The following OSBPL10 variants were observed in gnomAD, a reference collection of about 807,000 sequenced individuals.
OSBPL10 encodes oxysterol-binding protein-related protein 10.
OSBPL10 carries 49 observed loss-of-function variants against 81.7 expected under a neutral mutation model. That is an observed-to-expected ratio of 0.60 (90% CI 0.48 to 0.76). OSBPL10 has a LOEUF of 0.76. Among genes scored for constraint, OSBPL10 ranks in the 30% least tolerant of loss-of-function variants. The probability of loss-of-function intolerance (pLI) is 0.00; values close to 1 mark genes in which losing one functional copy is unlikely to be tolerated. For synonymous variants in OSBPL10, 419 were observed against 383.6 expected (o/e 1.09, Z -1.08); for missense variants, 923 against 987.8 (o/e 0.93, Z 0.88).
Position 31,830,138 on chromosome 3 carries a change from C to T in OSBPL10, c.631G>A (p.Gly211Arg), listed in dbSNP as rs1418226963. The change falls in exon 4 of 12, where the codon GGG (glycine) becomes AGG (arginine). Residue 211 changes from glycine to arginine, a missense_variant. Gly to Arg is a moderately radical substitution (Grantham distance 125, BLOSUM62 -2). Around this residue, in one of 3 missense-constraint regions of OSBPL10, gnomAD observed 514 missense variants for 508.0 expected, o/e 1.01. Coordinates refer to ENST00000396556, the MANE Select transcript of OSBPL10 (RefSeq NM_017784.5). ...GTGATTGTGACAACACCGGGGGCCC[C>T]CACACTGAGGTGTCTCTGGCTACAG... ...SPCSQRHLSV[G>R]APGVVTITHH... 1.2e-6 allele frequency: 2 copies of T among 1,614,012 alleles called. No homozygotes were observed. Among genetic ancestry groups the T allele is most frequent in the Non-Finnish European group, 1.7e-6 (2 of 1,180,010 alleles).
At chr3:31,818,900 G>A (rs551610233) in intron 4 of OSBPL10, among the ~76,000 whole-genome samples, 13 of 152,092 alleles carry the variant, frequency 8.5e-5, no homozygotes, top group African/African-American at 2.7e-4. Context: ...CACCCCTACC[G>A]CTTTCTTTAA....
At position 31,981,221 on chromosome 3, in the gene OSBPL10, G is replaced by A. The variant is rs1698834261; in HGVS notation, c.-42C>T. On this transcript the variant is annotated 5_prime_UTR_variant, in exon 1 of 12. Coordinates refer to ENST00000396556, the MANE Select transcript of OSBPL10 (RefSeq NM_017784.5). The surrounding 1 kb of genome is among the most constrained non-coding windows in gnomAD (Gnocchi z 4.5). ...GGACGCGGGTGCCCGCCGCGGTGGC[G>A]GCCCCGGCACGGCGGCTGCTGCTGC... The A allele has an allele frequency of 1.5e-6, 2 of 1,352,236 alleles. No individual in the cohort carries two copies. The highest frequency in any genetic ancestry group is 4.0e-5 in the Admixed American group (1 of 25,022). The allele number at this position is 1,352,236 out of a possible 1,614,324, so 83.8% of individuals were successfully genotyped here.
intron 1 of OSBPL10, among the ~76,000 whole-genome samples, chr3:31,938,499 T>C (rs72852944): frequency 0.064 from 9,711 of 152,192 alleles, 632 homozygotes; most frequent in African/African-American, 0.16. Context: ...TCAGAAGTTT[T>C]TGTGGGGTTT....
chr3:32,043,967 C>T (rs959205983), intron 2 of OSBPL10, among the ~76,000 whole-genome samples: 4 of 149,330 alleles, frequency 2.7e-5, no homozygotes, highest in Admixed American at 2.0e-4. Flanking sequence ...GTACTATGCT[C>T]ACTACCTATT....
rs1483187182 is a variant in OSBPL10, at chr3:31,929,999, CAACCAAA to C, written c.282-50176_282-50170del. On this transcript the variant is annotated intron_variant, in intron 1 of 11. Coordinates refer to ENST00000396556, the MANE Select transcript of OSBPL10 (RefSeq NM_017784.5). ...GGGTGATCAAGTGAGACCCTGTCAC[CAACCAAA>C]AAAAAAAAAAAAAAAAAAAACAGGT... Among the ~76,000 whole-genome samples, 238 of 28,006 alleles carry C rather than the reference CAACCAAA, an allele frequency of 8.5e-3. 3 individuals are homozygous for C. Among genetic ancestry groups the C allele is most frequent in the African/African-American group, 0.032 (222 of 6,864 alleles). The allele number at this position is 28,006 out of a possible 152,430, so 18.4% of individuals were successfully genotyped here.
At chr3:31,963,205 CCCCGTCCTTCCTTCCTTT>C (rs760137755) in intron 1 of OSBPL10, among the ~76,000 whole-genome samples, 8 of 151,848 alleles carry the variant, frequency 5.3e-5, no homozygotes, top group Non-Finnish European at 1.0e-4. Context: ...TCTCTCCCTT[CCCCGTCCTTCCTTCCTTT>C]CCTCCCCTCC....
intron 4 of OSBPL10, among the ~76,000 whole-genome samples, chr3:31,792,028 T>C (rs1699023557): frequency 6.6e-6 from 1 of 152,038 alleles, no homozygotes; most frequent in Admixed American, 6.6e-5. Flanking sequence ...GGAGGATCAC[T>C]TGAGCCCAGG....
chr3:31,867,736 GAAGA>G (rs1185685081), intron 3 of OSBPL10, among the ~76,000 whole-genome samples: 1 of 119,174 alleles, frequency 8.4e-6, no homozygotes, highest in African/African-American at 3.1e-5. Context: ...AGTAAGACAA[GAAGA>G]AAGAGAAAGG....
At chr3:31,830,283 C>A in intron 3 of OSBPL10, 52 bp from the exon 4 acceptor site, 1 of 1,524,590 alleles carries the variant, frequency 6.6e-7, no homozygotes, top group South Asian at 1.2e-5. Context: ...CAGAACACAA[C>A]TAAGTGTTGG....
intron 3 of OSBPL10, among the ~76,000 whole-genome samples, chr3:31,840,405 G>A (rs1700462934): frequency 6.6e-6 from 1 of 152,046 alleles, no homozygotes; most frequent in Admixed American, 6.6e-5. Flanking sequence ...AGCTCAAAAG[G>A]GCACGCCTAC....
intron 4 of OSBPL10, among the ~76,000 whole-genome samples, 153 bp from the exon 5 acceptor site, chr3:31,748,273 T>C (rs1421290841): frequency 6.6e-6 from 1 of 152,162 alleles, no homozygotes; most frequent in Non-Finnish European, 1.5e-5. Context: ...TACTCAATCC[T>C]GGGTGAAATC....
intron 6 of OSBPL10, chr3:31,732,975 T>A: frequency 2.1e-6 from 1 of 465,534 alleles, no homozygotes; most frequent in Non-Finnish European, 3.8e-6. Context: ...AACGGGTCTG[T>A]TCGAATTTCT....
chr3:31,744,115 A>C (rs1212378965), intron 5 of OSBPL10, among the ~76,000 whole-genome samples: 1 of 152,230 alleles, frequency 6.6e-6, no homozygotes, highest in Non-Finnish European at 1.5e-5. Context: ...TTAAAACTTC[A>C]GGGGCTGTGT....
intron 1 of OSBPL10, among the ~76,000 whole-genome samples, chr3:32,073,795 A>T (rs968483771): frequency 5.9e-5 from 9 of 152,108 alleles, no homozygotes; most frequent in Non-Finnish European, 1.0e-4. Context: ...TCTCCAAGCC[A>T]TCACAGCTGA....
intron 1 of OSBPL10, among the ~76,000 whole-genome samples, chr3:31,884,871 C>T (rs1243315132): frequency 6.6e-6 from 1 of 151,916 alleles, no homozygotes; most frequent in African/African-American, 2.4e-5. Context: ...CCAGAGAGAA[C>T]ATACTTTCTT....
intron 5 of OSBPL10, among the ~76,000 whole-genome samples, chr3:31,744,829 A>T (rs1222931677): frequency 2.0e-5 from 3 of 151,898 alleles, no homozygotes; most frequent in African/African-American, 7.3e-5. Flanking sequence ...CTGAAGAAAT[A>T]TTTTTTTCAA....
chr3:31,899,133 G>A (rs545298562), intron 1 of OSBPL10, among the ~76,000 whole-genome samples: 1 of 151,832 alleles, frequency 6.6e-6, no homozygotes, highest in South Asian at 2.1e-4. Context: ...GTAGAGACGG[G>A]GTTTCACCGT....
chr3:31,993,615 T>C (rs937773404), intron 2 of OSBPL10, among the ~76,000 whole-genome samples: 2 of 151,998 alleles, frequency 1.3e-5, no homozygotes, highest in Admixed American at 1.3e-4. Flanking sequence ...TACTAGTCAT[T>C]AGGGAAATAC....
intron 1 of OSBPL10, among the ~76,000 whole-genome samples, chr3:31,954,197 G>A (rs1284709298): frequency 1.3e-5 from 2 of 152,196 alleles, no homozygotes; most frequent in African/African-American, 4.8e-5. Context: ...AGTCCCAAGA[G>A]GGAAGAAAAA....
Sources: allele counts gnomAD v4.1 joint callset (sites outside exome capture counted in the v4.1 genomes callset), GRCh38; gene constraint gnomAD v4.1.1; regional missense constraint gnomAD v4.1.1; non-coding constraint Gnocchi (gnomAD v3.1); transcripts MANE v1.5; gene names NCBI Gene and HGNC (gene_info 2026-07-23, HGNC 2026-07-21).